NEDD9: variants seen among roughly 807,000 people sequenced by gnomAD.
The protein encoded by NEDD9 is neural precursor cell expressed, developmentally down-regulated 9, also known as enhancer of filamentation 1.
NEDD9 carries 26 observed loss-of-function variants against 76.6 expected under a neutral mutation model. The ratio of observed to expected loss-of-function variants is 0.34; its 90% CI spans 0.25 to 0.47. The LOEUF is 0.47. Ranked by LOEUF, NEDD9 falls within the 20% of genes least tolerant of loss-of-function variation. The pLI is 1.00. For synonymous variants in NEDD9, 392 were observed against 414.2 expected (o/e 0.95, Z 0.65); for missense variants, 937 against 1,058.5 (o/e 0.89, Z 1.59).
intron 3 of NEDD9, among the ~76,000 whole-genome samples, chr6:11,283,509 A>G (rs1760579954): frequency 6.6e-6 from 1 of 152,178 alleles, no homozygotes; most frequent in South Asian, 2.1e-4. Context: ...GGAGGGAAAA[A>G]GGCATTTGAG....
chr6:11,191,259 C>T, intron 4 of NEDD9, 54 bp from the exon 5 acceptor site: 4 of 1,513,266 alleles, frequency 2.6e-6, no homozygotes, highest in South Asian at 1.3e-5. Context: ...TCATGGGAAC[C>T]TGTGGTCCCA....
intron 3 of NEDD9, among the ~76,000 whole-genome samples, chr6:11,242,099 A>G (rs1759719871): frequency 6.6e-6 from 1 of 152,192 alleles, no homozygotes; most frequent in Admixed American, 6.5e-5. Context: ...CTGGGTGGTG[A>G]TAAAGACACC....
At chr6:11,319,168 A>C (rs1761676362) in intron 2 of NEDD9, among the ~76,000 whole-genome samples, 1 of 152,258 alleles carries the variant, frequency 6.6e-6, no homozygotes, top group South Asian at 2.1e-4. Flanking sequence ...CTGCCCACTC[A>C]GAACAGCGGG....
At chr6:11,358,510 T>C (rs1389796516) in intron 1 of NEDD9, among the ~76,000 whole-genome samples, 2 of 152,120 alleles carry the variant, frequency 1.3e-5, no homozygotes, top group African/African-American at 4.8e-5. Context: ...TGTTAGAGAA[T>C]AAATAAAACG....
chr6:11,185,721 A>C, intron 6 of NEDD9, 50 bp from the exon 7 acceptor site: 1 of 1,599,736 alleles, frequency 6.3e-7, no homozygotes, highest in Non-Finnish European at 8.5e-7. Flanking sequence ...AGTGTGTTGC[A>C]ATGGAAATTC....
At chr6:11,200,705 A>G (rs1256222905) in intron 2 of NEDD9, 3 of 1,304,192 alleles carry the variant, frequency 2.3e-6, no homozygotes, top group Non-Finnish European at 2.9e-6. Context: ...GGCAGTGAGA[A>G]TTTCAAACCA....
At chr6:11,207,130 A>G (rs181136773) in intron 2 of NEDD9, among the ~76,000 whole-genome samples, 1 of 152,356 alleles carries the variant, frequency 6.6e-6, no homozygotes, top group Admixed American at 6.5e-5. Flanking sequence ...GGCAAGGAAC[A>G]GGAGAAAGTG....
chr6:11,235,851 A>G (rs559639346), upstream of NEDD9, among the ~76,000 whole-genome samples: 64 of 152,146 alleles, frequency 4.2e-4, no homozygotes, highest in Non-Finnish European at 8.1e-4. This position sits in a 1 kb window ranked among gnomAD's most constrained non-coding sequence, Gnocchi z 4.1. Flanking sequence ...ATGAGCTCAG[A>G]GAGGTAGGTG....
chr6:11,207,504 T>C (rs1394821827), intron 2 of NEDD9: 1 of 152,264 alleles, frequency 6.6e-6, no homozygotes, highest in East Asian at 1.9e-4. Flanking sequence ...AATCATTTCC[T>C]GCCAACATTT....
intron 3 of NEDD9, among the ~76,000 whole-genome samples, chr6:11,280,610 A>G (rs1252155038): frequency 1.3e-5 from 2 of 152,150 alleles, no homozygotes; most frequent in African/African-American, 4.8e-5. Context: ...TTTGGCTTCC[A>G]GTTGAGTGGA....
intron 3 of NEDD9, among the ~76,000 whole-genome samples, chr6:11,301,906 G>A (rs1032716614): frequency 1.6e-4 from 25 of 151,872 alleles, no homozygotes; most frequent in African/African-American, 4.6e-4. Flanking sequence ...GCATACAAGA[G>A]AAAGCAGGAA....
intron 3 of NEDD9, among the ~76,000 whole-genome samples, chr6:11,275,955 CG>C (rs1227538803): frequency 2.6e-4 from 39 of 152,226 alleles, no homozygotes; most frequent in Admixed American, 7.2e-4. Context: ...CCTCCTCAAA[CG>C]GGAAGTTAGA....
intron 3 of NEDD9, among the ~76,000 whole-genome samples, chr6:11,256,802 G>T (rs1250936347): frequency 6.6e-6 from 1 of 152,164 alleles, no homozygotes; most frequent in African/African-American, 2.4e-5. Flanking sequence ...GGATTCAATA[G>T]AGCCTTTGCA....
At chr6:11,219,053 C>T (rs1759060656) in intron 1 of NEDD9, among the ~76,000 whole-genome samples, 1 of 152,196 alleles carries the variant, frequency 6.6e-6, no homozygotes, top group Non-Finnish European at 1.5e-5. Context: ...CTTTGCCAGA[C>T]CACTTGGGTT....
At chr6:11,215,620 G>A (rs1424133789) in intron 1 of NEDD9, among the ~76,000 whole-genome samples, 3 of 152,164 alleles carry the variant, frequency 2.0e-5, no homozygotes, top group Non-Finnish European at 4.4e-5. Flanking sequence ...TCCAGGAAAT[G>A]ACTCCACCAG....
intron 3 of NEDD9, among the ~76,000 whole-genome samples, chr6:11,275,613 C>CAGCTAGTGAATGGTCT (rs1234361615): frequency 6.6e-6 from 1 of 151,886 alleles, no homozygotes; most frequent in Non-Finnish European, 1.5e-5. Context: ...TGCATGTTCT[C>CAGCTAGTGAATGGTCT]AGCTAGTGAA....
Position 11,190,077 on chromosome 6 carries a change from C to T in NEDD9, c.1792G>A (p.Ala598Thr). ...LLHPGDHKAQAHNKALPPGLS... is the reference protein window; with the variant it reads ...LLHPGDHKAQTHNKALPPGLS... ...CCTGGGGGCAGTGCCTTGTTGTGGG[C>T]CTGGGCCTTGTGGTCACCAGGATGC... Residue 598 changes from alanine to threonine, a missense_variant, in exon 5 of 7, where the codon GCC (alanine) becomes ACC (threonine). Transcript: ENST00000379446. The surrounding 1 kb of genome is among the most constrained non-coding windows in gnomAD (Gnocchi z 5.8). 1 of 1,604,670 alleles carries T rather than the reference C, an allele frequency of 6.2e-7. No individual in the cohort carries two copies. Among genetic ancestry groups the T allele is most frequent in the Non-Finnish European group, 8.5e-7 (1 of 1,174,838 alleles).
chr6:11,339,929 A>G (rs951778354), intron 1 of NEDD9, among the ~76,000 whole-genome samples: 3 of 152,222 alleles, frequency 2.0e-5, no homozygotes, highest in African/African-American at 7.2e-5. Context: ...CCTACTTCTT[A>G]TGGTTGATTC....
At chr6:11,261,130 G>A (rs901356107) in intron 3 of NEDD9, among the ~76,000 whole-genome samples, 1 of 152,136 alleles carries the variant, frequency 6.6e-6, no homozygotes, top group East Asian at 1.9e-4. Flanking sequence ...TGAGAGGACT[G>A]AGCATCCCTG....
Sources: allele counts gnomAD v4.1 joint callset (sites outside exome capture counted in the v4.1 genomes callset), GRCh38; gene constraint gnomAD v4.1.1; non-coding constraint Gnocchi (gnomAD v3.1); transcripts MANE v1.5; gene names NCBI Gene and HGNC (gene_info 2026-07-23, HGNC 2026-07-21).